Variants in NCKAP1 observed in about 807,000 individuals in gnomAD.
NCKAP1 encodes nck-associated protein 1.
A neutral mutation model predicts 151.2 loss-of-function variants in NCKAP1; 21 were observed. The ratio of observed to expected loss-of-function variants is 0.14; its 90% CI spans 0.10 to 0.20. The LOEUF (loss-of-function observed/expected upper bound fraction) is 0.20. NCKAP1 is among the 10% of genes least tolerant of loss of function. The probability of loss-of-function intolerance (pLI) is 1.00; values close to 1 mark genes in which losing one functional copy is unlikely to be tolerated. For synonymous variants in NCKAP1, 484 were observed against 451.8 expected (o/e 1.07, Z -0.90); for missense variants, 933 against 1,352.1 (o/e 0.69, Z 4.86).
intron 23 of NCKAP1, among the ~76,000 whole-genome samples, chr2:182,947,738 T>A (rs1697135883): frequency 6.7e-6 from 1 of 149,866 alleles, no homozygotes. Context: ...TAAGGAAATT[T>A]TATAGGACGC....
At chr2:182,989,817 T>C (rs1698131551) in intron 8 of NCKAP1, among the ~76,000 whole-genome samples, 1 of 151,874 alleles carries the variant, frequency 6.6e-6, no homozygotes, top group African/African-American at 2.4e-5. Flanking sequence ...CTGACCAACA[T>C]GGTGAAATCC....
chr2:183,037,456 T>C lies in NCKAP1; in HGVS notation c.108+536A>G, dbSNP rs117268075. Reference sequence around the variant, plus strand: ...CAACACACTCTCAATGGCTTTTTATTTAGCAATCTAAAATAAAGTGGCAAA... The same window carrying C: ...CAACACACTCTCAATGGCTTTTTATCTAGCAATCTAAAATAAAGTGGCAAA... On this transcript the variant is annotated intron_variant, in intron 1 of 30. Transcript: ENST00000361354. Among the ~76,000 whole-genome samples, 85 of 152,264 alleles carry C rather than the reference T, an allele frequency of 5.6e-4. 1 individual carries two copies. In the East Asian group the frequency reaches 0.015, roughly 27 times the overall value.
At position 183,023,827 on chromosome 2, in the gene NCKAP1, A is replaced by C. The variant is rs1297632518; in HGVS notation, c.198T>G (p.Ala66=). Residue 66 remains alanine (A), a synonymous_variant, in exon 2 of 31, where the codon GCT becomes GCG. Coordinates refer to ENST00000361354, the MANE Select transcript of NCKAP1 (RefSeq NM_013436.5). ...AVKFIVRKFP[A]VETRNNNQQL... ...TTACATTGTTGTTGCGGGTTTCTACAGCAGGGAATTTTCTGACTATGAATT... is the reference window on the plus strand; with the variant it reads ...TTACATTGTTGTTGCGGGTTTCTACCGCAGGGAATTTTCTGACTATGAATT... 2.5e-6 allele frequency: 4 copies of C among 1,612,268 alleles called. No homozygotes were observed. In the Admixed American group the frequency reaches 5.0e-5, roughly 20 times the overall value.
At chr2:182,996,665 C>T (rs1245767652) in intron 6 of NCKAP1, among the ~76,000 whole-genome samples, 1 of 152,124 alleles carries the variant, frequency 6.6e-6, no homozygotes, top group East Asian at 1.9e-4. Context: ...ACCGTGTTAG[C>T]CAGGATGGTC....
intron 24 of NCKAP1, among the ~76,000 whole-genome samples, chr2:182,941,221 G>A (rs1696988370): frequency 6.6e-6 from 1 of 151,056 alleles, no homozygotes; most frequent in South Asian, 2.1e-4. Context: ...AACAGTTCAA[G>A]TAAAAAAAGC....
intron 2 of NCKAP1, among the ~76,000 whole-genome samples, chr2:183,014,019 C>G (rs977148059): frequency 1.3e-5 from 2 of 152,148 alleles, no homozygotes; most frequent in African/African-American, 4.8e-5. Flanking sequence ...ATCTGCCAGG[C>G]ATTAGTCTTA....
At chr2:183,026,528 T>A (rs948903758) in intron 1 of NCKAP1, among the ~76,000 whole-genome samples, 1 of 150,784 alleles carries the variant, frequency 6.6e-6, no homozygotes, top group Non-Finnish European at 1.5e-5. Flanking sequence ...TAAAGGACTA[T>A]ATAATCTGCT....
chr2:183,002,966 A>G lies in NCKAP1; in HGVS notation c.369+8T>C, dbSNP rs1698401612. ...ATAATTGGACATTTTTCTGAAAATG[A>G]TACTTACAATATCAAAGAAGACTTG... On this transcript the variant is annotated splice_region_variant and intron_variant, in intron 4 of 30. Transcript: ENST00000361354. 6.2e-7 allele frequency: 1 copy of G among 1,601,038 alleles called. No homozygotes were observed. Among genetic ancestry groups the G allele is most frequent in the Admixed American group, 1.7e-5 (1 of 59,342 alleles).
intron 16 of NCKAP1, among the ~76,000 whole-genome samples, chr2:182,965,277 G>A (rs1419245522): frequency 1.4e-4 from 21 of 147,812 alleles, no homozygotes; most frequent in Non-Finnish European, 8.9e-5. Context: ...GAACCACTAA[G>A]AAAAAAAAAA....
chr2:182,945,383 G>A lies in NCKAP1; in HGVS notation c.2602-3220C>T, dbSNP rs1312447411. 3.3e-5 allele frequency among the ~76,000 whole-genome samples: 5 copies of A among 151,896 alleles called. No homozygotes were observed. The South Asian group carries it at 8.3e-4, about 25-fold the overall frequency. On this transcript the variant is annotated intron_variant, in intron 23 of 30. Transcript: ENST00000361354. ...ACTGCACTCCAGACCAGGTGACAGGGAGACCCTGTCTCTTAAAAAAGAAAG... is the reference window on the plus strand; with the variant it reads ...ACTGCACTCCAGACCAGGTGACAGGAAGACCCTGTCTCTTAAAAAAGAAAG...
intron 2 of NCKAP1, among the ~76,000 whole-genome samples, chr2:183,018,427 C>G (rs901743068): frequency 6.6e-6 from 1 of 152,112 alleles, no homozygotes; most frequent in Non-Finnish European, 1.5e-5. Flanking sequence ...GGAATGCCCT[C>G]TTAAAGACAA....
At chr2:182,971,833 A>C (rs1373272272) in intron 15 of NCKAP1, among the ~76,000 whole-genome samples, 2 of 152,186 alleles carry the variant, frequency 1.3e-5, no homozygotes, top group African/African-American at 4.8e-5. Context: ...TCTTCAATAA[A>C]TTGTGCTGAG....
chr2:182,954,492 G>A (rs559842990), intron 20 of NCKAP1, among the ~76,000 whole-genome samples: 15 of 152,262 alleles, frequency 9.9e-5, no homozygotes, highest in Admixed American at 3.3e-4. Flanking sequence ...AAGAGCCAAC[G>A]CAAGATGAAA....
chr2:182,967,854 T>A (rs959341109), intron 15 of NCKAP1, among the ~76,000 whole-genome samples: 1 of 152,150 alleles, frequency 6.6e-6, no homozygotes, highest in African/African-American at 2.4e-5. Flanking sequence ...TAGTAAAAAT[T>A]GGTGTAGTTT....
intron 8 of NCKAP1, among the ~76,000 whole-genome samples, chr2:182,994,607 C>A (rs1303728230): frequency 6.6e-6 from 1 of 151,386 alleles, no homozygotes; most frequent in Non-Finnish European, 1.5e-5. Flanking sequence ...CCACTGCACT[C>A]CACCCTGGAT....
intron 23 of NCKAP1, among the ~76,000 whole-genome samples, chr2:182,947,730 A>C (rs1697135779): frequency 6.6e-6 from 1 of 150,892 alleles, no homozygotes; most frequent in South Asian, 2.1e-4. Flanking sequence ...GGTTATTCTA[A>C]GGAAATTTTA....
chr2:182,972,240 A>C (rs1417032384), intron 15 of NCKAP1, among the ~76,000 whole-genome samples: 5 of 151,254 alleles, frequency 3.3e-5, no homozygotes, highest in Non-Finnish European at 7.4e-5. Context: ...AAAAAAAAAA[A>C]AAAAACAAAA....
At chr2:183,030,837 T>C (rs1300246424) in intron 1 of NCKAP1, among the ~76,000 whole-genome samples, 1 of 152,180 alleles carries the variant, frequency 6.6e-6, no homozygotes, top group African/African-American at 2.4e-5. Context: ...CCATAAGTAC[T>C]GGAAAACTTT....
intron 2 of NCKAP1, among the ~76,000 whole-genome samples, chr2:183,010,673 C>G (rs1007444041): frequency 2.6e-5 from 4 of 152,148 alleles, no homozygotes; most frequent in Non-Finnish European, 4.4e-5. Flanking sequence ...TATAGATGGT[C>G]AAATTAAAGC....
Sources: allele counts gnomAD v4.1 joint callset (sites outside exome capture counted in the v4.1 genomes callset), GRCh38; gene constraint gnomAD v4.1.1; transcripts MANE v1.5; gene names NCBI Gene and HGNC (gene_info 2026-07-23, HGNC 2026-07-21).